The following SPRY3 variants were observed in gnomAD, a reference collection of about 807,000 sequenced individuals.
SPRY3 encodes protein sprouty homolog 3.
Under a neutral mutation model 20.2 loss-of-function variants are expected in SPRY3, and 15 were observed. The observed-to-expected ratio is 0.74, with a 90% confidence interval of 0.50 to 1.14. The LOEUF is 1.14. Ranked by LOEUF, SPRY3 falls within the 50% of genes most tolerant of loss-of-function variation. SPRY3 has a pLI of 0.00. For synonymous variants in SPRY3, 143 were observed against 136.5 expected (o/e 1.05, Z -0.33); for missense variants, 364 against 363.9 (o/e 1.00, Z 0.00).
intron 1 of SPRY3, among the ~76,000 whole-genome samples, chrX:155,647,632 G>T (rs1252882075): frequency 9.0e-6 from 1 of 111,562 alleles, no homozygotes; most frequent in African/African-American, 3.3e-5. Context: ...CAAAGGACAT[G>T]AACTCATTCT....
chrX:155,656,475 A>G (rs1340697902), intron 1 of SPRY3, among the ~76,000 whole-genome samples: 2 of 110,750 alleles, frequency 1.8e-5, no homozygotes, highest in African/African-American at 6.6e-5. Flanking sequence ...TAAACTGGTT[A>G]TTCTAGTTAG....
rs970445696 is a variant in SPRY3 at position 155,767,395 on chromosome X, T to TA, written c.-281-566dup. The stretch of plus-strand genomic sequence containing the variant: ...CACTCCCTGCCCCCACTGCAGATTA[T>TA]ATACCAACACACCCTGAGCCATATA... On this transcript the variant is annotated intron_variant, in intron 2 of 3. Coordinates refer to ENST00000675360, the Ensembl canonical transcript of SPRY3. Among the ~76,000 whole-genome samples the TA allele has an allele frequency of 4.9e-3, 742 of 152,194 alleles. 5 individuals carry two copies. Among genetic ancestry groups the TA allele is most frequent in the African/African-American group, 0.017 (698 of 41,528 alleles).
At chrX:155,753,360 G>A (rs2091271621) in intron 2 of SPRY3, among the ~76,000 whole-genome samples, 1 of 151,756 alleles carries the variant, frequency 6.6e-6, no homozygotes, top group Admixed American at 6.6e-5. Flanking sequence ...GACCTTTTGT[G>A]TCTGGCTTCT....
In SPRY3 at chrX:155,613,101, A is replaced by G. The variant is rs150643983; in HGVS notation, c.-441+454A>G. Reference sequence around the variant, plus strand: ...GCCTTTAGTGAACATACTTGAAGCTATAGGTGCAGGGATGAGAAAAAACAG... The same window carrying G: ...GCCTTTAGTGAACATACTTGAAGCTGTAGGTGCAGGGATGAGAAAAAACAG... On this transcript the variant is annotated intron_variant, in intron 1 of 3. Transcript: ENST00000675360. 3.3e-4 allele frequency among the ~76,000 whole-genome samples: 37 copies of G among 112,098 alleles called. No individual in the cohort carries two copies. The East Asian group carries it at 9.0e-3, about 27-fold the overall frequency.
chrX:155,629,488 G>A (rs2067899327), intron 1 of SPRY3, among the ~76,000 whole-genome samples: 1 of 111,269 alleles, frequency 9.0e-6, no homozygotes, highest in African/African-American at 3.3e-5. Flanking sequence ...TGTCTTTATA[G>A]TAGCATGATT....
In SPRY3 at chrX:155,773,307, G is replaced by GTTATGT. The variant is rs4013148; in HGVS notation, c.-106-459_-106-458insTTATGT. On this transcript the variant is annotated intron_variant, in intron 3 of 3. Transcript: ENST00000675360. ...CACACTGAAAAGATAATTTTGATTGGATATATATATATATATATATATATA... is the reference window on the plus strand; with the variant it reads ...CACACTGAAAAGATAATTTTGATTGGTTATGTATATATATATATATATATATATATA... 2.5e-5 allele frequency among the ~76,000 whole-genome samples: 3 copies of GTTATGT among 120,740 alleles called. No homozygotes were observed. The Admixed American group carries it at 2.6e-4, about 10-fold the overall frequency. The allele number at this position is 120,740 out of a possible 152,430, so 79.2% of individuals were successfully genotyped here.
chrX:155,749,561 G>A (rs912581556), intron 2 of SPRY3, among the ~76,000 whole-genome samples: 20 of 151,822 alleles, frequency 1.3e-4, no homozygotes, highest in African/African-American at 4.8e-4. Context: ...AAAATTTGAG[G>A]TGGAAGTATC....
intron 2 of SPRY3, among the ~76,000 whole-genome samples, chrX:155,748,884 A>G (rs2091243099): frequency 6.6e-6 from 1 of 151,924 alleles, no homozygotes; most frequent in Non-Finnish European, 1.5e-5. Flanking sequence ...ACATTTTCTA[A>G]TCTAGGTCTT....
rs182164219 is a variant in SPRY3 at position 155,750,819 on chromosome X, G to A, written c.-281-17143G>A. Among the ~76,000 whole-genome samples, 390 of 151,938 alleles carry A rather than the reference G, an allele frequency of 2.6e-3. 1 individual carries two copies. Among genetic ancestry groups the A allele is most frequent in the African/African-American group, 9.1e-3 (379 of 41,520 alleles). On this transcript the variant is annotated intron_variant, in intron 2 of 3. Transcript: ENST00000675360. ...TCGAAAAGTCCACTTGAGGTTAATG[G>A]TCATGAATTTAAAGAGCCTAACATT...
chrX:155,614,761 C>G (rs144773259), intron 1 of SPRY3, among the ~76,000 whole-genome samples: 1,292 of 110,216 alleles, frequency 0.012, 23 homozygotes, highest in African/African-American at 0.039. Flanking sequence ...TTTCCTCTCT[C>G]TGTGTGTGTG....
At chrX:155,662,459 C>T (rs1603126067) in intron 2 of SPRY3, among the ~76,000 whole-genome samples, 1 of 110,270 alleles carries the variant, frequency 9.1e-6, no homozygotes, top group Non-Finnish European at 1.9e-5. Context: ...TCTCATTCTC[C>T]GGCACAAGCA....
intron 1 of SPRY3, among the ~76,000 whole-genome samples, chrX:155,618,597 A>C (rs2067861437): frequency 8.9e-6 from 1 of 111,890 alleles, no homozygotes; most frequent in Admixed American, 9.5e-5. Context: ...ATACTTTAAG[A>C]AACTACAACA....
At chrX:155,770,591 C>T (rs2091374472) in intron 3 of SPRY3, among the ~76,000 whole-genome samples, 1 of 151,768 alleles carries the variant, frequency 6.6e-6, no homozygotes, top group African/African-American at 2.4e-5. Flanking sequence ...GACCTGTAAT[C>T]ACCTTTGCTC....
chrX:155,672,581 A>T (rs1195566566), intron 2 of SPRY3, among the ~76,000 whole-genome samples: 3 of 109,848 alleles, frequency 2.7e-5, no homozygotes, highest in Non-Finnish European at 5.7e-5. Flanking sequence ...GCTGGAGAGG[A>T]TGTGGAGAAA....
At chrX:155,746,075 C>G (rs1033539140) in intron 2 of SPRY3, among the ~76,000 whole-genome samples, 1 of 152,056 alleles carries the variant, frequency 6.6e-6, no homozygotes, top group African/African-American at 2.4e-5. Context: ...TCTAGGGCAG[C>G]AGCAGCAGTG....
intron 2 of SPRY3, among the ~76,000 whole-genome samples, chrX:155,739,485 G>A (rs1416553877): frequency 2.6e-5 from 4 of 152,174 alleles, no homozygotes; most frequent in Admixed American, 2.6e-4. Context: ...CTTGAAGCTG[G>A]CCCCTGATCC....
At chrX:155,643,568 T>C (rs1345985472) in intron 1 of SPRY3, among the ~76,000 whole-genome samples, 1 of 111,488 alleles carries the variant, frequency 9.0e-6, no homozygotes, top group African/African-American at 3.3e-5. Context: ...TTTCTTTTAG[T>C]GAAGGTGATT....
At chrX:155,669,592 G>A (rs1448801788) in intron 2 of SPRY3, among the ~76,000 whole-genome samples, 5 of 111,348 alleles carry the variant, frequency 4.5e-5, no homozygotes, top group Non-Finnish European at 9.5e-5. Flanking sequence ...ATCAAGTGAT[G>A]TATTATAAAA....
exon 4 of SPRY3, chrX:155,774,839 A>T: frequency 7.5e-7 from 1 of 1,334,578 alleles, no homozygotes; most frequent in East Asian, 2.3e-5. Context: ...AACTAGCCAA[A>T]GTTAGGGCCT....
Sources: allele counts gnomAD v4.1 joint callset (sites outside exome capture counted in the v4.1 genomes callset), GRCh38; gene constraint gnomAD v4.1.1; transcripts MANE v1.5; gene names NCBI Gene and HGNC (gene_info 2026-07-23, HGNC 2026-07-21).